The following UBR4 variants were observed in gnomAD, a reference collection of about 807,000 sequenced individuals.
UBR4 encodes the protein ubiquitin protein ligase E3 component n-recognin 4, also known as E3 ubiquitin-protein ligase UBR4.
Under a neutral mutation model 575.6 loss-of-function variants are expected in UBR4, and 124 were observed. The observed-to-expected ratio is 0.22, with a 90% CI of 0.19 to 0.25. UBR4 has a LOEUF of 0.25. UBR4 is among the 10% of genes least tolerant of loss of function. The probability of loss-of-function intolerance (pLI) is 1.00; values close to 1 mark genes in which losing one functional copy is unlikely to be tolerated. For synonymous variants in UBR4, 2,455 were observed against 2,473.7 expected (o/e 0.99, Z 0.22); for missense variants, 4,818 against 6,478.8 (o/e 0.74, Z 8.80).
At chr1:19,092,786 T>C (rs1279147552) in intron 97 of UBR4, 33 bp downstream of exon 97, 3 of 1,566,478 alleles carry the variant, frequency 1.9e-6, no homozygotes, top group East Asian at 2.3e-5. Context: ...CTTGTACCCC[T>C]GTACCCTCAC....
At chr1:19,113,875 T>TCCC (rs2080181506) in intron 76 of UBR4, 48 bp from the exon 77 acceptor site, 1 of 1,613,942 alleles carries the variant, frequency 6.2e-7, no homozygotes, top group Non-Finnish European at 8.5e-7. Flanking sequence ...TAAGGTGATC[T>TCCC]CACCTAGGAG....
In UBR4 at chr1:19,177,763, A is replaced by G; in HGVS notation, c.2355-20T>C. The G allele has an allele frequency of 1.9e-6, 3 of 1,606,094 alleles. No homozygotes were observed. Among genetic ancestry groups the G allele is most frequent in the Non-Finnish European group, 8.5e-7 (1 of 1,175,736 alleles). On this transcript the variant is annotated intron_variant, in intron 18 of 105. Transcript: ENST00000375254. ...AAAAACCTACCAGAGAGAAAAGATGACTATATCTGGTGGGAAAAAGAGCAT... is the reference window on the plus strand; with the variant it reads ...AAAAACCTACCAGAGAGAAAAGATGGCTATATCTGGTGGGAAAAAGAGCAT...
chr1:19,176,751 T>C (rs771493597), intron 19 of UBR4, 24 bp from the exon 20 acceptor site: 5 of 1,610,142 alleles, frequency 3.1e-6, no homozygotes, highest in Middle Eastern at 1.7e-4. Flanking sequence ...AATACTGAAA[T>C]TAAGAAAGAT....
At chr1:19,114,182 G>A in intron 75 of UBR4, 112 bp from the exon 76 acceptor site, 1 of 1,352,076 alleles carries the variant, frequency 7.4e-7, no homozygotes, top group Non-Finnish European at 1.0e-6. Context: ...CAGGCACTGT[G>A]TTTCATACAT....
intron 90 of UBR4, among the ~76,000 whole-genome samples, chr1:19,097,932 T>C (rs915029173): frequency 1.3e-5 from 2 of 152,230 alleles, no homozygotes; most frequent in Non-Finnish European, 2.9e-5. Flanking sequence ...AAGTCTTTTA[T>C]AAATGACAAA....
intron 73 of UBR4, among the ~76,000 whole-genome samples, chr1:19,116,217 T>C (rs1042355593): frequency 6.6e-6 from 1 of 152,238 alleles, no homozygotes; most frequent in South Asian, 2.1e-4. Context: ...ACCCTGGAAG[T>C]GGGGTCCTAC....
At chr1:19,193,214 T>C (rs1557990513) in intron 9 of UBR4, among the ~76,000 whole-genome samples, 3 of 152,216 alleles carry the variant, frequency 2.0e-5, no homozygotes, top group South Asian at 4.1e-4. Context: ...ATGGCTAATC[T>C]TTCAAGTGTG....
Position 19,157,717 on chromosome 1 carries a change from C to T in UBR4, c.5760+98G>A. ...ATTCTTAGAACGCAGTGGACTTTTT[C>T]CCACAGAGGGCTAATCCGAATGTGG... On this transcript the variant is annotated intron_variant, in intron 40 of 105. Transcript: ENST00000375254. The surrounding 1 kb of genome is among the most constrained non-coding windows in gnomAD (Gnocchi z 4.4). 2 of 1,469,614 alleles carry T rather than the reference C, an allele frequency of 1.4e-6. No individual in the cohort carries two copies. Among genetic ancestry groups the T allele is most frequent in the Non-Finnish European group, 1.8e-6 (2 of 1,092,440 alleles). 91.0% of individuals were successfully genotyped at this position (1,469,614 alleles called of 1,614,324 possible). A position where few individuals can be genotyped will look rare whatever the true frequency, so the allele number is the denominator to read the frequency against.
intron 10 of UBR4, 29 bp from the exon 11 acceptor site, chr1:19,192,407 A>G (rs368377618): frequency 1.4e-5 from 22 of 1,614,008 alleles, no homozygotes; most frequent in Non-Finnish European, 1.8e-5. Flanking sequence ...AATAAAAAAC[A>G]TAATCATAGA....
At position 19,148,161 on chromosome 1, in the gene UBR4, C is replaced by G. The variant is rs566136559; in HGVS notation, c.7495-34G>C. ...AAAGACAGCAGGGTTATCACTAACC[C>G]CACCAACTCAAGGCAGAATGAACTA... On this transcript the variant is annotated intron_variant, in intron 50 of 105. Transcript: ENST00000375254. 3 of 1,582,980 alleles carry G rather than the reference C, an allele frequency of 1.9e-6. No individual in the cohort carries two copies. The African/African-American group carries it at 4.0e-5, about 21-fold the overall frequency.
Position 19,112,312 on chromosome 1 carries a change from C to T in UBR4, c.11801+212G>A. 3 of 558,522 alleles carry T rather than the reference C, an allele frequency of 5.4e-6. No individual in the cohort carries two copies. The South Asian group carries it at 8.2e-5, about 15-fold the overall frequency. The allele number at this position is 558,522 out of a possible 1,614,324, so 34.6% of individuals were successfully genotyped here. On this transcript the variant is annotated intron_variant, in intron 78 of 105. Coordinates refer to ENST00000375254, the MANE Select transcript of UBR4 (RefSeq NM_020765.3). ...TGTACTGGAACCAAAAAAGCACAAG[C>T]CAATCATGCCATTTACAAGGAAACC...
At chr1:19,131,960 T>C (rs2082518648) in intron 60 of UBR4, among the ~76,000 whole-genome samples, 1 of 152,128 alleles carries the variant, frequency 6.6e-6, no homozygotes, top group African/African-American at 2.4e-5. Flanking sequence ...AACAAAAAGA[T>C]AACTAGAAAA....
chr1:19,145,505 T>TGA (rs2084729978), intron 53 of UBR4, among the ~76,000 whole-genome samples: 1 of 42,850 alleles, frequency 2.3e-5, no homozygotes, highest in African/African-American at 8.8e-5. Context: ...TATAAACCAC[T>TGA]GAGACACACA....
chr1:19,173,262 C>G lies in UBR4; in HGVS notation c.3210G>C (p.Ser1070=). 6.2e-7 allele frequency: 1 copy of G among 1,614,146 alleles called. No individual in the cohort carries two copies. Among genetic ancestry groups the G allele is most frequent in the South Asian group, 1.1e-5 (1 of 91,082 alleles). Residue 1070 remains serine (S), a synonymous_variant, in exon 24 of 106, where the codon TCG becomes TCC. Transcript: ENST00000375254. The part of the protein sequence containing the change: ...KQGMKAEHAS[S]LLELASTTKC... ...TAGTGGTGGATGCCAGTTCTAGAAG[C>G]GAGCTAGCATGCTCAGCCTTCATTC...
intron 1 of UBR4, among the ~76,000 whole-genome samples, chr1:19,206,159 A>G (rs895224420): frequency 1.3e-5 from 2 of 152,182 alleles, no homozygotes; most frequent in Non-Finnish European, 2.9e-5. Context: ...AATAAGTAAC[A>G]GTGTTAAAAA....
chr1:19,203,322 G>A (rs1427630961), intron 1 of UBR4, among the ~76,000 whole-genome samples: 1 of 151,942 alleles, frequency 6.6e-6, no homozygotes, highest in African/African-American at 2.4e-5. Context: ...CCAATATGGT[G>A]AAACCCCGTC....
rs2093253831 is a variant in UBR4, at chr1:19,210,238, C to T, written c.11G>A (p.Ser4Asn). The T allele has an allele frequency of 2.8e-6, 4 of 1,433,354 alleles. No homozygotes were observed. Among genetic ancestry groups the T allele is most frequent in the Middle Eastern group, 5.0e-4 (2 of 3,982 alleles). 88.8% of individuals were successfully genotyped at this position (1,433,354 alleles called of 1,614,324 possible). Residue 4 changes from serine (S) to asparagine (N), a missense_variant, in exon 1 of 106, where the codon AGC becomes AAC. Physicochemically the swap from Ser to Asn is conservative, Grantham distance 46. Transcript: ENST00000375254. Reference sequence around the variant, plus strand: ...CGCTGCCGCCGCCTCTTCGCCGCCGCTCGTCGCCATCTTCCGTCGTACTAC... The same window carrying T: ...CGCTGCCGCCGCCTCTTCGCCGCCGTTCGTCGCCATCTTCCGTCGTACTAC... MAT[S>N]GGEEAAAAAP...
intron 77 of UBR4, 138 bp downstream of exon 77, chr1:19,113,561 G>T: frequency 7.5e-7 from 1 of 1,339,874 alleles, no homozygotes; most frequent in Non-Finnish European, 1.0e-6. Context: ...GCAGCCATCT[G>T]CCTGCCTTTT....
Position 19,145,508 on chromosome 1 carries a change from G to GACACAC in UBR4, c.7945+279_7945+284dup, listed in dbSNP as rs555050832. Among the ~76,000 whole-genome samples, 578 of 145,104 alleles carry GACACAC rather than the reference G, an allele frequency of 4.0e-3. 5 individuals are homozygous for GACACAC. The highest frequency in any genetic ancestry group is 0.012 in the African/African-American group (454 of 38,680). On this transcript the variant is annotated intron_variant, in intron 53 of 105. Coordinates refer to ENST00000375254, the MANE Select transcript of UBR4 (RefSeq NM_020765.3). ...TTTAAAAACAATTATAAACCACTGA[G>GACACAC]ACACACACACACACACACACACACA...
Sources: allele counts gnomAD v4.1 joint callset (sites outside exome capture counted in the v4.1 genomes callset), GRCh38; gene constraint gnomAD v4.1.1; non-coding constraint Gnocchi (gnomAD v3.1); transcripts MANE v1.5; gene names NCBI Gene and HGNC (gene_info 2026-07-23, HGNC 2026-07-21).